PALS2: variants seen among roughly 807,000 people sequenced by gnomAD.
PALS2 encodes protein PALS2.
PALS2 carries 27 observed loss-of-function variants against 61.6 expected under a neutral mutation model. The observed-to-expected ratio is 0.44, with a 90% confidence interval of 0.32 to 0.60. PALS2 has a LOEUF of 0.60. Among genes scored for constraint, PALS2 ranks in the 20% least tolerant of loss-of-function variants. The probability of loss-of-function intolerance (pLI) is 0.05; values close to 1 mark genes in which losing one functional copy is unlikely to be tolerated. For missense variants in PALS2, 554 were observed against 639.4 expected (o/e 0.87, Z 1.44); for synonymous variants, 236 against 218.6 (o/e 1.08, Z -0.70).
At chr7:24,658,175 ATCTTT>A (rs1308036860) in intron 5 of PALS2, among the ~76,000 whole-genome samples, 2 of 152,052 alleles carry the variant, frequency 1.3e-5, no homozygotes, top group African/African-American at 4.8e-5. Flanking sequence ...AAGTTTACTA[ATCTTT>A]TCTTTTGCAA....
chr7:24,614,951 T>A (rs1197709368), intron 1 of PALS2, among the ~76,000 whole-genome samples: 2 of 151,956 alleles, frequency 1.3e-5, no homozygotes, highest in African/African-American at 4.8e-5. Context: ...AAGTATCTTA[T>A]CTGACCACAA....
At chr7:24,607,617 ATG>A (rs1298494774) in intron 1 of PALS2, among the ~76,000 whole-genome samples, 100 of 143,844 alleles carry the variant, frequency 7.0e-4, no homozygotes, top group Non-Finnish European at 1.1e-3. Flanking sequence ...ATACATATAT[ATG>A]TGTGTATATA....
chr7:24,658,669 G>T (rs1786550943), intron 5 of PALS2, among the ~76,000 whole-genome samples: 1 of 150,456 alleles, frequency 6.6e-6, no homozygotes, highest in Non-Finnish European at 1.5e-5. Context: ...TGATTCTCCT[G>T]CCTGAGCCTC....
intron 1 of PALS2, chr7:24,589,241 A>T (rs1783190977): frequency 6.6e-6 from 1 of 152,168 alleles, no homozygotes; most frequent in Non-Finnish European, 1.5e-5. Context: ...TCACATCCAA[A>T]ACCAAGTTGC....
intron 2 of PALS2, among the ~76,000 whole-genome samples, chr7:24,627,956 C>G (rs992904499): frequency 5.3e-5 from 8 of 152,162 alleles, no homozygotes; most frequent in African/African-American, 1.9e-4. Flanking sequence ...GGAGCTGGTA[C>G]CATTCCTTCT....
In PALS2 at chr7:24,599,325, C is replaced by T. The variant is rs180863402; in HGVS notation, c.-2-24341C>T. Among the ~76,000 whole-genome samples the T allele has an allele frequency of 3.6e-3, 549 of 152,226 alleles. 17 individuals carry two copies. Among genetic ancestry groups the T allele is most frequent in the East Asian group, 1.5e-3 (8 of 5,178 alleles). ...TGAAGGCCTAGGACATTATTGTACACTACTGTAGACTATAAGAAATTTATT... is the reference window on the plus strand; with the variant it reads ...TGAAGGCCTAGGACATTATTGTACATTACTGTAGACTATAAGAAATTTATT... On this transcript the variant is annotated intron_variant, in intron 1 of 11. Coordinates refer to ENST00000222644, the MANE Select transcript of PALS2 (RefSeq NM_001303037.2).
intron 2 of PALS2, among the ~76,000 whole-genome samples, chr7:24,624,599 ATTC>A (rs1374117864): frequency 8.1e-6 from 1 of 123,998 alleles, no homozygotes; most frequent in South Asian, 2.6e-4. Context: ...AATGATGCAG[ATTC>A]TTCTTTTTTT....
intron 3 of PALS2, among the ~76,000 whole-genome samples, chr7:24,646,837 T>C (rs1390801541): frequency 1.3e-5 from 2 of 152,210 alleles, no homozygotes; most frequent in South Asian, 2.1e-4. Context: ...GAGGTTGTTA[T>C]TGGTCTATGC....
At chr7:24,579,998 G>C (rs1227402615) in intron 1 of PALS2, among the ~76,000 whole-genome samples, 2 of 152,090 alleles carry the variant, frequency 1.3e-5, no homozygotes, top group Non-Finnish European at 2.9e-5. Context: ...AAATGTATGA[G>C]AAAGTGTGGG....
chr7:24,677,112 C>T (rs892981678), intron 9 of PALS2, among the ~76,000 whole-genome samples: 7 of 151,020 alleles, frequency 4.6e-5, no homozygotes, highest in African/African-American at 1.7e-4. Flanking sequence ...AGTTGGATTC[C>T]TAGGTATTTT....
rs1786207263 is a variant in PALS2, at chr7:24,652,517, G to A, written c.651+1805G>A. Among the ~76,000 whole-genome samples, 2 of 152,112 alleles carry A rather than the reference G, an allele frequency of 1.3e-5. 1 individual carries two copies. Among genetic ancestry groups the A allele is most frequent in the South Asian group, 4.1e-4 (2 of 4,832 alleles). On this transcript the variant is annotated intron_variant, in intron 5 of 11. Transcript: ENST00000222644. ...GAGTCTTATAAGTCCGAGGTAGCCT[G>A]AGGCGTGTCCTCCCATAAAGAAGTA...
At chr7:24,602,276 CTG>C (rs970139551) in intron 1 of PALS2, among the ~76,000 whole-genome samples, 5 of 152,046 alleles carry the variant, frequency 3.3e-5, no homozygotes, top group African/African-American at 1.2e-4. Flanking sequence ...ATTTTTATAA[CTG>C]TTTCTTTTTT....
intron 1 of PALS2, among the ~76,000 whole-genome samples, chr7:24,599,460 G>T (rs1214052914): frequency 6.8e-6 from 1 of 147,042 alleles, no homozygotes; most frequent in Non-Finnish European, 1.5e-5. Context: ...CAAATGCATT[G>T]TACAGCTGTA....
At chr7:24,633,275 T>C (rs1785082071) in intron 2 of PALS2, among the ~76,000 whole-genome samples, 3 of 150,554 alleles carry the variant, frequency 2.0e-5, no homozygotes, top group African/African-American at 7.4e-5. Context: ...ATTCTCAATT[T>C]TTGTTGAAAA....
At chr7:24,623,171 A>G (rs904987275) in intron 1 of PALS2, among the ~76,000 whole-genome samples, 3 of 148,682 alleles carry the variant, frequency 2.0e-5, no homozygotes, top group Non-Finnish European at 3.0e-5. Context: ...GTCTCATAGA[A>G]TGAGTTGGAA....
At chr7:24,678,170 A>G in intron 9 of PALS2, among the ~76,000 whole-genome samples, 1 of 152,194 alleles carries the variant, frequency 6.6e-6, no homozygotes, top group South Asian at 2.1e-4. Context: ...GTTGTTAACA[A>G]AGTTGTCAGA....
intron 2 of PALS2, 115 bp from the exon 3 acceptor site, chr7:24,641,601 C>G: frequency 7.9e-6 from 7 of 890,282 alleles, no homozygotes; most frequent in Non-Finnish European, 8.2e-6. Flanking sequence ...ATTTGGTTTA[C>G]ATGAATTAAA....
intron 1 of PALS2, among the ~76,000 whole-genome samples, chr7:24,611,972 G>C (rs1784129780): frequency 6.6e-6 from 1 of 151,932 alleles, no homozygotes; most frequent in East Asian, 1.9e-4. Flanking sequence ...ACTCATTAGG[G>C]GGTGATGGAA....
intron 1 of PALS2, among the ~76,000 whole-genome samples, chr7:24,585,709 A>G (rs181530081): frequency 6.6e-6 from 1 of 151,894 alleles, no homozygotes; most frequent in African/African-American, 2.4e-5. Flanking sequence ...TTATTTATTT[A>G]TTTTTTTGAG....
Sources: gnomAD v4.1 joint callset for allele counts (sites outside exome capture counted in the v4.1 genomes callset) on GRCh38, gnomAD v4.1.1 for gene constraint, MANE v1.5 for transcripts, NCBI Gene and HGNC (gene_info 2026-07-23, HGNC 2026-07-21) for gene names.